The following DENND11 variants were observed in gnomAD, a reference collection of about 807,000 sequenced individuals.
DENND11 encodes DENN domain-containing protein 11.
DENND11 carries 34 observed loss-of-function variants against 49.2 expected under a neutral mutation model. The ratio of observed to expected loss-of-function variants is 0.69; its 90% CI spans 0.53 to 0.92. The LOEUF (loss-of-function observed/expected upper bound fraction) is 0.92. Among genes scored for constraint, DENND11 ranks in the 40% least tolerant of loss-of-function variants. The pLI is 0.00. For synonymous variants in DENND11, 238 were observed against 230.3 expected, an observed-to-expected ratio of 1.03 and a Z score of -0.30; for missense variants, 475 against 581.6, an observed-to-expected ratio of 0.82 and a Z score of 1.88.
chr7:141,673,110 G>T (rs1426766852), intron 4 of DENND11, among the ~76,000 whole-genome samples: 1 of 152,144 alleles, frequency 6.6e-6, no homozygotes, highest in Non-Finnish European at 1.5e-5. Context: ...AATGAAGTGG[G>T]GCAGGAAACA....
At chr7:141,686,134 C>T (rs1008376905) in intron 2 of DENND11, among the ~76,000 whole-genome samples, 2 of 152,194 alleles carry the variant, frequency 1.3e-5, no homozygotes, top group African/African-American at 4.8e-5. Flanking sequence ...CCCTTAAGCT[C>T]TTTCCATTGT....
At chr7:141,694,630 A>G (rs552061387) in intron 1 of DENND11, among the ~76,000 whole-genome samples, 184 of 152,110 alleles carry the variant, frequency 1.2e-3, no homozygotes, top group African/African-American at 4.0e-3. Flanking sequence ...ATAGTTCAGC[A>G]AAAAAAAGAA....
intron 3 of DENND11, among the ~76,000 whole-genome samples, chr7:141,684,415 C>A (rs1798197733): frequency 6.6e-6 from 1 of 151,920 alleles, no homozygotes; most frequent in Non-Finnish European, 1.5e-5. Context: ...TTAACACAGC[C>A]TGCTATTTGA....
At chr7:141,663,940 C>T in intron 8 of DENND11, 1 of 471,988 alleles carries the variant, frequency 2.1e-6, no homozygotes, top group Non-Finnish European at 3.8e-6. Context: ...GAAAGAAACA[C>T]TAAGACTCCT....
At chr7:141,687,867 C>A (rs902062808) in intron 1 of DENND11, among the ~76,000 whole-genome samples, 12 of 152,110 alleles carry the variant, frequency 7.9e-5, no homozygotes, top group African/African-American at 2.9e-4. Flanking sequence ...ATCTCCTGAC[C>A]TTGTGATCCG....
chr7:141,670,562 T>C (rs1341928536), intron 4 of DENND11, among the ~76,000 whole-genome samples: 1 of 152,220 alleles, frequency 6.6e-6, no homozygotes, highest in African/African-American at 2.4e-5. Context: ...TGATTTACCA[T>C]GATTCAACTC....
chr7:141,695,824 A>C (rs1004823194), intron 1 of DENND11, among the ~76,000 whole-genome samples: 3 of 152,124 alleles, frequency 2.0e-5, no homozygotes, highest in Non-Finnish European at 4.4e-5. Context: ...ACTTGGACCT[A>C]TTACAGGTAC....
intron 1 of DENND11, among the ~76,000 whole-genome samples, chr7:141,701,386 G>C (rs1388966273): frequency 7.1e-6 from 1 of 140,868 alleles, no homozygotes; most frequent in African/African-American, 2.6e-5. Flanking sequence ...GGGACGGGGT[G>C]GGGGGCGAGC....
In DENND11 at chr7:141,662,529, T is replaced by C; in HGVS notation, c.*127A>G. The C allele has an allele frequency of 3.4e-6, 2 of 584,032 alleles. No homozygotes were observed. The highest frequency in any genetic ancestry group is 5.3e-6 in the Non-Finnish European group (2 of 378,720). 36.2% of individuals were successfully genotyped at this position (584,032 alleles called of 1,614,324 possible). On this transcript the variant is annotated 3_prime_UTR_variant, in exon 9 of 9. Transcript: ENST00000536163. ...GAAAGGAAATTGCAAAAATTATGTTTGTTGGAAAGTATAAACAATATTCCT... is the reference window on the plus strand; with the variant it reads ...GAAAGGAAATTGCAAAAATTATGTTCGTTGGAAAGTATAAACAATATTCCT...
intron 7 of DENND11, among the ~76,000 whole-genome samples, chr7:141,664,462 GGAT>G (rs199913211): frequency 2.0e-5 from 3 of 152,010 alleles, no homozygotes; most frequent in African/African-American, 7.3e-5. Flanking sequence ...TATCAGAAGG[GGAT>G]GATGATGATG....
Position 141,689,412 on chromosome 7 carries a change from T to C in DENND11, c.269-2754A>G, listed in dbSNP as rs569361030. Among the ~76,000 whole-genome samples the C allele has an allele frequency of 4.6e-5, 7 of 152,062 alleles. No homozygotes were observed. The South Asian group carries it at 8.3e-4, about 18-fold the overall frequency. On this transcript the variant is annotated intron_variant, in intron 1 of 8. Coordinates refer to ENST00000536163, the MANE Select transcript of DENND11 (RefSeq NM_001080392.2). ...GTGGGAGCTGAACAATGAGAACACA[T>C]GGACACAGGGAAGGGAACAACACAC...
chr7:141,667,344 G>A (rs1797911437), intron 4 of DENND11, among the ~76,000 whole-genome samples: 1 of 152,172 alleles, frequency 6.6e-6, no homozygotes, highest in African/African-American at 2.4e-5. Flanking sequence ...TTCCAATCCT[G>A]GCCCTGCCAT....
In DENND11 at chr7:141,662,267, G is replaced by T; in HGVS notation, c.*389C>A. On this transcript the variant is annotated 3_prime_UTR_variant, in exon 9 of 9. Transcript: ENST00000536163. Reference sequence around the variant, plus strand: ...TGCCTTTAGGCAGATGAACATCTAAGGCCACAGGGGACAGGTGGTTGTCTT... The same window carrying T: ...TGCCTTTAGGCAGATGAACATCTAATGCCACAGGGGACAGGTGGTTGTCTT... 1 of 184,510 alleles carries T rather than the reference G, an allele frequency of 5.4e-6. No individual in the cohort carries two copies. Among genetic ancestry groups the T allele is most frequent in the Non-Finnish European group, 1.1e-5 (1 of 90,344 alleles). The allele number at this position is 184,510 out of a possible 1,614,324, so 11.4% of individuals were successfully genotyped here.
At chr7:141,689,567 A>G (rs1039195682) in intron 1 of DENND11, among the ~76,000 whole-genome samples, 1 of 151,396 alleles carries the variant, frequency 6.6e-6, no homozygotes, top group Non-Finnish European at 1.5e-5. Flanking sequence ...TACCTATGTA[A>G]CAAACCTGCA....
intron 8 of DENND11, 146 bp downstream of exon 8, chr7:141,664,026 G>A: frequency 1.7e-6 from 1 of 597,150 alleles, no homozygotes; most frequent in Non-Finnish European, 3.0e-6. Flanking sequence ...GCTCAGGTTT[G>A]CCTCTGTAAG....
At chr7:141,685,029 A>AAAATATATATATAT (rs1305276426) in intron 3 of DENND11, among the ~76,000 whole-genome samples, 1 of 91,540 alleles carries the variant, frequency 1.1e-5, no homozygotes, top group Non-Finnish European at 2.0e-5. Context: ...AAAAAAAAAA[A>AAAATATATATATAT]ATATATATAT....
At chr7:141,680,623 G>T (rs1172640384) in intron 3 of DENND11, among the ~76,000 whole-genome samples, 3 of 151,518 alleles carry the variant, frequency 2.0e-5, no homozygotes, top group Non-Finnish European at 4.4e-5. Context: ...AACAGAGGTG[G>T]TGTGTTCAAC....
rs143461066 is a variant in DENND11 at position 141,676,617 on chromosome 7, T to A, written c.528-2397A>T. On this transcript the variant is annotated intron_variant, in intron 3 of 8. Transcript: ENST00000536163. ...CAAATTGGCAGTTCCTGGATGAATGTTAAGCAACTGCTGTATGAAAGACTC... is the reference window on the plus strand; with the variant it reads ...CAAATTGGCAGTTCCTGGATGAATGATAAGCAACTGCTGTATGAAAGACTC... 2.4e-3 allele frequency among the ~76,000 whole-genome samples: 361 copies of A among 152,302 alleles called. 2 individuals carry two copies. The highest frequency in any genetic ancestry group is 8.5e-3 in the African/African-American group (352 of 41,552).
chr7:141,697,899 T>C (rs1798441931), intron 1 of DENND11, among the ~76,000 whole-genome samples: 1 of 152,170 alleles, frequency 6.6e-6, no homozygotes, highest in Non-Finnish European at 1.5e-5. Flanking sequence ...ATCTGGGCAC[T>C]GGCTAGAGGC....
Sources: gnomAD v4.1 joint callset for allele counts (sites outside exome capture counted in the v4.1 genomes callset) on GRCh38, gnomAD v4.1.1 for gene constraint, MANE v1.5 for transcripts, NCBI Gene and HGNC (gene_info 2026-07-23, HGNC 2026-07-21) for gene names.